Variants in ESRRG observed in about 807,000 individuals in gnomAD.
The protein encoded by ESRRG is estrogen related receptor gamma, also known as estrogen-related receptor gamma.
In ESRRG, 13 loss-of-function variants were observed where a neutral mutation model predicts 44.0. The ratio of observed to expected loss-of-function variants is 0.30; its 90% CI spans 0.19 to 0.47. The LOEUF (loss-of-function observed/expected upper bound fraction) is 0.47, where lower values mean the gene tolerates loss of function less well. ESRRG is among the 20% of genes least tolerant of loss of function. The pLI is 1.00. For synonymous variants in ESRRG, 215 were observed against 214.6 expected, an observed-to-expected ratio of 1.00 and a Z score of -0.02; for missense variants, 395 against 580.6, an observed-to-expected ratio of 0.68 and a Z score of 3.29.
chr1:216,590,288 T>G (rs1229103381), intron 3 of ESRRG, among the ~76,000 whole-genome samples: 1 of 152,140 alleles, frequency 6.6e-6, no homozygotes, highest in Non-Finnish European at 1.5e-5. Flanking sequence ...CTTCAAACAG[T>G]TCTAAGATTC....
chr1:216,885,364 A>G (rs532062666), intron 2 of ESRRG, among the ~76,000 whole-genome samples: 1 of 152,132 alleles, frequency 6.6e-6, no homozygotes, highest in Non-Finnish European at 1.5e-5. Context: ...GAACAATGAG[A>G]TGGAGTTTCA....
chr1:217,044,980 A>G (rs1217819746), intron 1 of ESRRG, among the ~76,000 whole-genome samples: 2 of 152,214 alleles, frequency 1.3e-5, no homozygotes, highest in East Asian at 1.9e-4. Flanking sequence ...TATCCTCAGC[A>G]TAAAGAGAAA....
At chr1:216,515,340 G>A (rs991753275) in intron 6 of ESRRG, among the ~76,000 whole-genome samples, 2 of 151,978 alleles carry the variant, frequency 1.3e-5, no homozygotes, top group African/African-American at 4.8e-5. Flanking sequence ...TCATCGGGGG[G>A]TTATTAGGAA....
intron 2 of ESRRG, among the ~76,000 whole-genome samples, chr1:216,772,882 G>A (rs2093437781): frequency 6.6e-6 from 1 of 150,998 alleles, no homozygotes; most frequent in South Asian, 2.1e-4. Flanking sequence ...GATATTTGGT[G>A]TTTCCAAAAG....
chr1:216,988,180 C>G (rs769425032), intron 1 of ESRRG, among the ~76,000 whole-genome samples: 30 of 152,128 alleles, frequency 2.0e-4, no homozygotes, highest in Non-Finnish European at 4.1e-4. Context: ...AAAGGTACAT[C>G]TAGAGTTGCA....
chr1:216,530,280 T>A (rs765471865), intron 5 of ESRRG, among the ~76,000 whole-genome samples: 43 of 150,558 alleles, frequency 2.9e-4, no homozygotes, highest in Non-Finnish European at 5.5e-4. Context: ...GAATTAACAT[T>A]AAAATATAGA....
chr1:217,019,339 T>G (rs2079932325), intron 1 of ESRRG, among the ~76,000 whole-genome samples: 1 of 152,160 alleles, frequency 6.6e-6, no homozygotes, highest in African/African-American at 2.4e-5. Context: ...GAGAGAGGAC[T>G]TAGGTCCATA....
chr1:216,965,054 G>A (rs137959570), intron 1 of ESRRG, among the ~76,000 whole-genome samples: 154 of 152,230 alleles, frequency 1.0e-3, no homozygotes, highest in African/African-American at 3.5e-3. Context: ...TTGAAAGAGG[G>A]CACAAAATAT....
chr1:216,605,386 A>T (rs1350647092), intron 3 of ESRRG, among the ~76,000 whole-genome samples: 1 of 152,204 alleles, frequency 6.6e-6, no homozygotes, highest in Non-Finnish European at 1.5e-5. Flanking sequence ...TATTAAAAAA[A>T]AACAAAGTGT....
intron 2 of ESRRG, among the ~76,000 whole-genome samples, chr1:216,780,052 G>A (rs2093871622): frequency 6.6e-6 from 1 of 151,742 alleles, no homozygotes. Flanking sequence ...TAAAGGCCAT[G>A]TGCATGTTTC....
rs113063061 is a variant in ESRRG, at chr1:217,051,254, G to C, written c.-106+38253C>G. 5.3e-3 allele frequency among the ~76,000 whole-genome samples: 784 copies of C among 146,630 alleles called. 7 individuals carry two copies. The highest frequency in any genetic ancestry group is 0.019 in the African/African-American group (755 of 39,816). ...TGTAAGACTGGGTCATTCTTGGCTTGAACCTAAGAGGGTTTCCCTTTAGGT... is the reference window on the plus strand; with the variant it reads ...TGTAAGACTGGGTCATTCTTGGCTTCAACCTAAGAGGGTTTCCCTTTAGGT... On this transcript the variant is annotated intron_variant, in intron 1 of 7. Transcript: ENST00000359162.
intron 5 of ESRRG, among the ~76,000 whole-genome samples, chr1:216,554,062 T>C (rs904956794): frequency 2.0e-5 from 3 of 152,100 alleles, no homozygotes; most frequent in Non-Finnish European, 2.9e-5. Context: ...ATTGAGGTTA[T>C]TTATGATGGC....
chr1:217,051,266 G>T (rs2085983431), intron 1 of ESRRG, among the ~76,000 whole-genome samples: 1 of 150,874 alleles, frequency 6.6e-6, no homozygotes, highest in Non-Finnish European at 1.5e-5. Flanking sequence ...ACCTAAGAGG[G>T]TTTCCCTTTA....
At chr1:217,015,058 C>A (rs373943815) in intron 1 of ESRRG, among the ~76,000 whole-genome samples, 1 of 152,184 alleles carries the variant, frequency 6.6e-6, no homozygotes, top group South Asian at 2.1e-4. Flanking sequence ...GAAGATCAAC[C>A]CTTCTCTAAA....
At chr1:216,747,974 T>C (rs1266377035) in intron 2 of ESRRG, among the ~76,000 whole-genome samples, 1 of 152,162 alleles carries the variant, frequency 6.6e-6, no homozygotes, top group Non-Finnish European at 1.5e-5. Context: ...GTATAAAGGT[T>C]AATTCTATGA....
chr1:216,516,711 G>A (rs2044445260), intron 6 of ESRRG, among the ~76,000 whole-genome samples: 1 of 145,004 alleles, frequency 6.9e-6, no homozygotes, highest in South Asian at 2.3e-4. Flanking sequence ...AAGCCCTTTA[G>A]GGTGTCTAAA....
chr1:217,026,228 C>A (rs1156850273), intron 1 of ESRRG, among the ~76,000 whole-genome samples: 1 of 152,202 alleles, frequency 6.6e-6, no homozygotes, highest in African/African-American at 2.4e-5. Context: ...GCTCTACCTG[C>A]TGACTAGATG....
intron 2 of ESRRG, among the ~76,000 whole-genome samples, chr1:216,886,669 T>G (rs960612207): frequency 1.3e-5 from 2 of 152,232 alleles, no homozygotes; most frequent in East Asian, 1.9e-4. Context: ...TTCCATTATC[T>G]TAATTACTAG....
chr1:216,849,339 GTCT>G (rs1038125053), intron 2 of ESRRG, among the ~76,000 whole-genome samples: 2 of 152,102 alleles, frequency 1.3e-5, no homozygotes, highest in African/African-American at 4.8e-5. Context: ...TGACTCCAGA[GTCT>G]GGGGCTTATC....
Sources: gnomAD v4.1 joint callset for allele counts (sites outside exome capture counted in the v4.1 genomes callset) on GRCh38, gnomAD v4.1.1 for gene constraint, MANE v1.5 for transcripts, NCBI Gene and HGNC (gene_info 2026-07-23, HGNC 2026-07-21) for gene names.